The following CRACR2A variants were observed in gnomAD, a reference collection of about 807,000 sequenced individuals.
The protein encoded by CRACR2A is EF-hand calcium-binding domain-containing protein 4B.
Under a neutral mutation model 90.5 loss-of-function variants are expected in CRACR2A, and 79 were observed. That is an observed-to-expected ratio of 0.87 (90% CI 0.73 to 1.05). The LOEUF (loss-of-function observed/expected upper bound fraction) is 1.05. Among genes scored for constraint, CRACR2A ranks in the 50% least tolerant of loss-of-function variants. The pLI is 0.00. For missense variants in CRACR2A, 823 were observed against 897.2 expected (o/e 0.92, Z 1.06); for synonymous variants, 338 against 356.7 (o/e 0.95, Z 0.59).
intron 2 of CRACR2A, among the ~76,000 whole-genome samples, chr12:3,713,630 A>G (rs992910673): frequency 2.0e-5 from 3 of 152,212 alleles, no homozygotes; most frequent in African/African-American, 7.2e-5. Flanking sequence ...CCCTGCCCCC[A>G]GCAGAGCTCC....
At chr12:3,648,183 A>C (rs1944725028) in intron 11 of CRACR2A, 3 of 1,110,036 alleles carry the variant, frequency 2.7e-6, no homozygotes, top group South Asian at 8.1e-5. Context: ...CTCACCTAAC[A>C]GTTTTGCTGA....
At chr12:3,709,383 A>C (rs1945976530) in intron 3 of CRACR2A, among the ~76,000 whole-genome samples, 1 of 152,254 alleles carries the variant, frequency 6.6e-6, no homozygotes, top group Non-Finnish European at 1.5e-5. Flanking sequence ...ATTATTCTTT[A>C]TAGTAGCACC....
chr12:3,663,677 T>G (rs1023503291), intron 7 of CRACR2A, among the ~76,000 whole-genome samples: 12 of 152,248 alleles, frequency 7.9e-5, no homozygotes, highest in Admixed American at 7.9e-4. Context: ...CCAAACTGAA[T>G]GCCCAGTGTA....
At chr12:3,682,480 C>T (rs1945474940) in intron 4 of CRACR2A, among the ~76,000 whole-genome samples, 1 of 152,170 alleles carries the variant, frequency 6.6e-6, no homozygotes. Context: ...AGTCAGTTTC[C>T]TCCTCCCATT....
At chr12:3,648,757 A>G (rs758530) in intron 10 of CRACR2A, 144 bp from the exon 11 acceptor site, 304,626 of 1,174,552 alleles carry the variant, frequency 0.26, 44,881 homozygotes, top group Admixed American at 0.51. Flanking sequence ...GAGCTCCTAC[A>G]GTATGCAAGT....
intron 4 of CRACR2A, 47 bp from the exon 5 acceptor site, chr12:3,680,396 G>A (rs61537702): frequency 9.7e-6 from 15 of 1,540,364 alleles, no homozygotes; most frequent in African/African-American, 1.4e-5. Context: ...ACTCACTGGT[G>A]GGGGAGGTGA....
In CRACR2A at chr12:3,711,329, C is replaced by G. The variant is rs1263461253; in HGVS notation, c.-37+1908G>C. 6.6e-6 allele frequency among the ~76,000 whole-genome samples: 1 copy of G among 152,188 alleles called. No individual in the cohort carries two copies. The highest frequency in any genetic ancestry group is 1.5e-5 in the Non-Finnish European group (1 of 68,034). On this transcript the variant is annotated intron_variant, in intron 3 of 19. Transcript: ENST00000440314. This position sits in a 1 kb window ranked among gnomAD's most constrained non-coding sequence, Gnocchi z 4.3. ...TCATCTTAAGTCATAGTCCTCCTCT[C>G]AAATTTTACTTTAAGCAGTCGAGAG...
At chr12:3,676,801 T>C (rs73049109) in intron 6 of CRACR2A, among the ~76,000 whole-genome samples, 23,314 of 151,930 alleles carry the variant, frequency 0.15, 1,947 homozygotes, top group South Asian at 0.27. Flanking sequence ...AGTAAATGCA[T>C]TGTAAAATCA....
intron 7 of CRACR2A, among the ~76,000 whole-genome samples, chr12:3,664,957 A>G (rs1041320144): frequency 5.9e-5 from 9 of 152,260 alleles, no homozygotes; most frequent in Admixed American, 1.3e-4. Context: ...CAGTGCGCCA[A>G]GATCAGGCCA....
intron 3 of CRACR2A, among the ~76,000 whole-genome samples, chr12:3,708,945 C>T (rs1945970953): frequency 6.6e-6 from 1 of 152,222 alleles, no homozygotes; most frequent in Non-Finnish European, 1.5e-5. Flanking sequence ...ACTCTATTCT[C>T]AAAGCCTCTC....
In CRACR2A at chr12:3,640,462, A is replaced by G. The variant is rs1944544079; in HGVS notation, c.1271+1270T>C. The G allele has an allele frequency of 6.9e-6, 8 of 1,152,306 alleles. 1 individual carries two copies. In the Admixed American group the frequency reaches 3.0e-4, roughly 43 times the overall value. The allele number at this position is 1,152,306 out of a possible 1,614,324, so 71.4% of individuals were successfully genotyped here. ...TCTAATTTATTTTTGGAGGCTTTACAGAACTCAAAAGAATGTCTGGTACAC... is the reference window on the plus strand; with the variant it reads ...TCTAATTTATTTTTGGAGGCTTTACGGAACTCAAAAGAATGTCTGGTACAC... On this transcript the variant is annotated intron_variant, in intron 13 of 19. Coordinates refer to ENST00000440314, the MANE Select transcript of CRACR2A (RefSeq NM_001144958.2).
At chr12:3,719,176 C>T (rs1946121070) in intron 2 of CRACR2A, among the ~76,000 whole-genome samples, 1 of 152,214 alleles carries the variant, frequency 6.6e-6, no homozygotes, top group South Asian at 2.1e-4. Flanking sequence ...CAACCAAGCA[C>T]ATCTCAAACC....
intron 3 of CRACR2A, among the ~76,000 whole-genome samples, chr12:3,708,627 G>A (rs562945216): frequency 8.2e-4 from 125 of 152,200 alleles, no homozygotes; most frequent in Middle Eastern, 3.4e-3. Flanking sequence ...GGGTTTCACC[G>A]TGTTAGCCAG....
chr12:3,710,792 A>C (rs1003773058), intron 3 of CRACR2A, among the ~76,000 whole-genome samples: 1 of 120,288 alleles, frequency 8.3e-6, no homozygotes, highest in African/African-American at 3.1e-5. Context: ...GCTCCACCGC[A>C]AAAAAAAAAA....
chr12:3,704,121 T>C (rs561252528), intron 3 of CRACR2A, among the ~76,000 whole-genome samples: 143 of 152,348 alleles, frequency 9.4e-4, no homozygotes, highest in African/African-American at 3.4e-3. Flanking sequence ...TACATGACTG[T>C]TCATAGCACT....
At chr12:3,716,112 T>C (rs1198494425) in intron 2 of CRACR2A, among the ~76,000 whole-genome samples, 1 of 152,050 alleles carries the variant, frequency 6.6e-6, no homozygotes, top group Non-Finnish European at 1.5e-5. Flanking sequence ...GGCTTTCTCA[T>C]AATAAATGCT....
At chr12:3,619,209 A>G in intron 18 of CRACR2A, 62 bp downstream of exon 18, 1 of 1,388,620 alleles carries the variant, frequency 7.2e-7, no homozygotes, top group African/African-American at 1.4e-5. Context: ...GCTCTTGGGC[A>G]CTTGCCCAAC....
In CRACR2A at chr12:3,638,453, G is replaced by A. The variant is rs1161332585; in HGVS notation, c.1273C>T (p.Gln425Ter). The A allele has an allele frequency of 6.5e-7, 1 of 1,534,318 alleles. No homozygotes were observed. The highest frequency in any genetic ancestry group is 2.5e-5 in the East Asian group (1 of 40,600). ...AACACCTCCTCCTCCTCCTCTGACT[G>A]GCTACTGGGGCGGGGAAGAGAGAAG... ...YVDSRGILRS[Q>*]SEEEEEVFGI... The change falls in exon 14 of 20, where the codon CAG (glutamine) becomes TAG (stop). Residue 425 changes from glutamine to a stop codon, truncating the protein, a stop_gained and splice_region_variant. Coordinates refer to ENST00000440314, the MANE Select transcript of CRACR2A (RefSeq NM_001144958.2). LOFTEE classifies it high-confidence loss of function.
At chr12:3,723,417 A>G (rs1946212415) in intron 2 of CRACR2A, among the ~76,000 whole-genome samples, 1 of 151,948 alleles carries the variant, frequency 6.6e-6, no homozygotes, top group Admixed American at 6.6e-5. Flanking sequence ...ACTCTTTTGG[A>G]TTTTCTAATA....
Sources: allele counts gnomAD v4.1 joint callset (sites outside exome capture counted in the v4.1 genomes callset), GRCh38; gene constraint gnomAD v4.1.1; non-coding constraint Gnocchi (gnomAD v3.1); transcripts MANE v1.5; gene names NCBI Gene and HGNC (gene_info 2026-07-23, HGNC 2026-07-21).